NALF1: variants seen among roughly 807,000 people sequenced by gnomAD.
NALF1 encodes the protein NALCN channel auxiliary factor 1.
In NALF1, 3 loss-of-function variants were observed where a neutral mutation model predicts 48.4. The observed-to-expected ratio is 0.06, with a 90% CI of 0.03 to 0.16. NALF1 has a LOEUF of 0.16. Ranked by LOEUF, NALF1 falls within the 10% of genes least tolerant of loss-of-function variation. The probability of loss-of-function intolerance (pLI) is 1.00; values close to 1 mark genes in which losing one functional copy is unlikely to be tolerated. For missense variants in NALF1, 526 were observed against 571.5 expected (o/e 0.92, Z 0.81); for synonymous variants, 262 against 245.7 (o/e 1.07, Z -0.62).
intron 1 of NALF1, among the ~76,000 whole-genome samples, chr13:107,315,640 A>T (rs1882133028): frequency 6.6e-6 from 1 of 151,990 alleles, no homozygotes; most frequent in Non-Finnish European, 1.5e-5. Context: ...TGAGACATTG[A>T]AACGTAATCC....
At chr13:107,367,288 A>G (rs1462139582) in intron 1 of NALF1, among the ~76,000 whole-genome samples, 1 of 152,192 alleles carries the variant, frequency 6.6e-6, no homozygotes, top group Non-Finnish European at 1.5e-5. Context: ...TCTTAGAGAG[A>G]GCCACTGATC....
chr13:107,764,239 G>A (rs1326411237), intron 1 of NALF1, among the ~76,000 whole-genome samples: 1 of 152,036 alleles, frequency 6.6e-6, no homozygotes, highest in African/African-American at 2.4e-5. Context: ...TTGTATATAT[G>A]ATGTTGCATA....
intron 1 of NALF1, among the ~76,000 whole-genome samples, chr13:107,303,396 A>G (rs1881875668): frequency 6.6e-6 from 1 of 152,184 alleles, no homozygotes; most frequent in African/African-American, 2.4e-5. Context: ...CTCTATAGAT[A>G]TATTATATTT....
At chr13:107,819,137 G>T (rs4772921) in intron 1 of NALF1, among the ~76,000 whole-genome samples, 1 of 151,926 alleles carries the variant, frequency 6.6e-6, no homozygotes. Context: ...TAATTCCTCA[G>T]CTTAACCTGA....
At chr13:107,760,452 G>A (rs1285662728) in intron 1 of NALF1, among the ~76,000 whole-genome samples, 2 of 152,218 alleles carry the variant, frequency 1.3e-5, no homozygotes, top group South Asian at 2.1e-4. Flanking sequence ...TAACTCAACC[G>A]AACTTCCCCC....
At chr13:107,756,435 C>CCATATATATATATATATATATATA (rs1555323651) in intron 1 of NALF1, among the ~76,000 whole-genome samples, 2 of 141,056 alleles carry the variant, frequency 1.4e-5, no homozygotes, top group African/African-American at 5.4e-5. Context: ...AGTTTAATGG[C>CCATATATATATATATATATATATA]TATATATATA....
rs1880762237 is a variant in NALF1 at position 107,867,130 on chromosome 13, CCTCCTCCTCCTCCTCTTCTT to C, written c.-554_-535del. On this transcript the variant is annotated 5_prime_UTR_variant, in exon 1 of 3. Coordinates refer to ENST00000375915, the MANE Select transcript of NALF1 (RefSeq NM_001080396.3). The surrounding 1 kb of genome is among the most constrained non-coding windows in gnomAD (Gnocchi z 4.4). ...CGGCGCCCGGAGCGCCTCCCCTCCT[CCTCCTCCTCCTCCTCTTCTT>C]CTCCTCCTCTTCCTCCTCCTTCCTT... Among the ~76,000 whole-genome samples the C allele has an allele frequency of 1.3e-5, 2 of 151,658 alleles. No individual in the cohort carries two copies. The highest frequency in any genetic ancestry group is 4.8e-5 in the African/African-American group (2 of 41,266).
chr13:107,643,401 A>G (rs1164117780), intron 1 of NALF1, among the ~76,000 whole-genome samples: 2 of 152,154 alleles, frequency 1.3e-5, no homozygotes, highest in Non-Finnish European at 2.9e-5. Context: ...CTTCCCATTC[A>G]AAACTGGAAT....
chr13:107,256,100 CA>C (rs1312002440), intron 1 of NALF1, among the ~76,000 whole-genome samples: 1 of 152,132 alleles, frequency 6.6e-6, no homozygotes, highest in Non-Finnish European at 1.5e-5. Flanking sequence ...ATGAATTTTT[CA>C]AACTAGTTGT....
intron 1 of NALF1, among the ~76,000 whole-genome samples, chr13:107,767,872 A>T (rs773704634): frequency 6.6e-6 from 1 of 152,150 alleles, no homozygotes; most frequent in Non-Finnish European, 1.5e-5. Context: ...TCTCATTTTC[A>T]TGTTTTATAT....
At chr13:107,672,000 A>T (rs115072275) in intron 1 of NALF1, among the ~76,000 whole-genome samples, 53,330 of 151,210 alleles carry the variant, frequency 0.35, 10,901 homozygotes, top group African/African-American at 0.57. Context: ...AATTGCCTTG[A>T]AAAAAAAAAT....
At chr13:107,319,564 T>C (rs1882214884) in intron 1 of NALF1, among the ~76,000 whole-genome samples, 1 of 152,080 alleles carries the variant, frequency 6.6e-6, no homozygotes, top group Admixed American at 6.6e-5. Context: ...GCCTTGTTCT[T>C]AGAGGTTCAT....
chr13:107,204,996 C>G (rs1323517919), intron 2 of NALF1, among the ~76,000 whole-genome samples: 2 of 144,890 alleles, frequency 1.4e-5, no homozygotes, highest in Non-Finnish European at 3.0e-5. Flanking sequence ...CTAATGAGAA[C>G]ATCTTTTTTT....
intron 1 of NALF1, among the ~76,000 whole-genome samples, chr13:107,366,507 A>G (rs1283697246): frequency 1.3e-5 from 2 of 152,210 alleles, no homozygotes; most frequent in Non-Finnish European, 2.9e-5. Flanking sequence ...GGCTCAGCCC[A>G]ATTTTGGAGG....
intron 1 of NALF1, among the ~76,000 whole-genome samples, chr13:107,441,255 G>A (rs1378291215): frequency 6.6e-6 from 1 of 152,190 alleles, no homozygotes; most frequent in African/African-American, 2.4e-5. Flanking sequence ...GAAGATGAGA[G>A]CAAGTCAGAC....
intron 1 of NALF1, among the ~76,000 whole-genome samples, chr13:107,708,479 G>A (rs1015588848): frequency 6.1e-5 from 9 of 147,928 alleles, no homozygotes; most frequent in Admixed American, 5.4e-4. Context: ...AATATCTGGG[G>A]TAGGACTAGT....
intron 1 of NALF1, among the ~76,000 whole-genome samples, chr13:107,727,732 G>A (rs962220507): frequency 6.6e-6 from 1 of 152,178 alleles, no homozygotes; most frequent in African/African-American, 2.4e-5. Context: ...TATCATCAGA[G>A]TGAACAGGCA....
intron 1 of NALF1, among the ~76,000 whole-genome samples, chr13:107,583,265 T>G (rs1172402494): frequency 6.6e-6 from 1 of 152,076 alleles, no homozygotes; most frequent in Non-Finnish European, 1.5e-5. Context: ...GCATATGTAT[T>G]TTTGCAAGAA....
intron 1 of NALF1, among the ~76,000 whole-genome samples, chr13:107,345,461 T>C (rs1229191884): frequency 1.3e-5 from 2 of 152,098 alleles, no homozygotes. Context: ...GACAAAGACA[T>C]AGACCAAAAG....
Sources: allele counts gnomAD v4.1 joint callset (sites outside exome capture counted in the v4.1 genomes callset), GRCh38; gene constraint gnomAD v4.1.1; non-coding constraint Gnocchi (gnomAD v3.1); transcripts MANE v1.5; gene names NCBI Gene and HGNC (gene_info 2026-07-23, HGNC 2026-07-21).